Variants in CPLANE1 observed in about 807,000 individuals in gnomAD.
The protein encoded by CPLANE1 is ciliogenesis and planar polarity effector 1.
A neutral mutation model predicts 362.5 loss-of-function variants in CPLANE1; 263 were observed. That is an observed-to-expected ratio of 0.73 (90% CI 0.66 to 0.80). The LOEUF (loss-of-function observed/expected upper bound fraction) is 0.80. Among genes scored for constraint, CPLANE1 ranks in the 30% least tolerant of loss-of-function variants. The pLI is 0.00. For synonymous variants in CPLANE1, 1,212 were observed against 1,302.6 expected, an observed-to-expected ratio of 0.93 and a Z score of 1.50; for missense variants, 3,461 against 3,793.4, an observed-to-expected ratio of 0.91 and a Z score of 2.30.
intron 2 of CPLANE1, chr5:37,246,586 A>G (rs570861436): frequency 2.0e-5 from 3 of 152,242 alleles, no homozygotes; most frequent in African/African-American, 7.2e-5. Context: ...CTCATTTTTT[A>G]TTACCTAGAA....
rs1411613289 is a variant in CPLANE1, at chr5:37,140,800, T to C, written c.8633-1430A>G. On this transcript the variant is annotated intron_variant, in intron 44 of 52. Transcript: ENST00000651892. Reference sequence around the variant, plus strand: ...CAGGATCACTAACCCACGGCCACAGTACCTGTTTATTACCAAGTAAACGTT... The same window carrying C: ...CAGGATCACTAACCCACGGCCACAGCACCTGTTTATTACCAAGTAAACGTT... The C allele has an allele frequency of 1.6e-5, 16 of 985,278 alleles. No individual in the cohort carries two copies. The Admixed American group carries it at 9.2e-4, about 57-fold the overall frequency. 61.0% of individuals were successfully genotyped at this position (985,278 alleles called of 1,614,324 possible).
At chr5:37,244,719 C>A in intron 4 of CPLANE1, 112 bp from the exon 5 acceptor site, 1 of 729,142 alleles carries the variant, frequency 1.4e-6, no homozygotes. Context: ...TGTTACCATT[C>A]AGGATGTCAA....
intron 21 of CPLANE1, among the ~76,000 whole-genome samples, chr5:37,190,981 A>T (rs552390295): frequency 1.2e-3 from 179 of 152,320 alleles, no homozygotes; most frequent in Non-Finnish European, 2.3e-3. Flanking sequence ...ACTCTTACTT[A>T]TTAAAAAAAA....
chr5:37,209,262 G>A lies in CPLANE1; in HGVS notation c.2921-2837C>T. Reference sequence around the variant, plus strand: ...TCAGGACAGAAGCAGGGCTCTGGAGGGCAGGGATTCCCCCTCGTCTTGGCC... The same window carrying A: ...TCAGGACAGAAGCAGGGCTCTGGAGAGCAGGGATTCCCCCTCGTCTTGGCC... On this transcript the variant is annotated intron_variant, in intron 16 of 52. Coordinates refer to ENST00000651892, the MANE Select transcript of CPLANE1 (RefSeq NM_001384732.1). This position sits in a 1 kb window ranked among gnomAD's most constrained non-coding sequence, Gnocchi z 4.6. 1.4e-6 allele frequency: 1 copy of A among 696,342 alleles called. No individual in the cohort carries two copies. The highest frequency in any genetic ancestry group is 1.5e-5 in the South Asian group (1 of 65,470). 43.1% of individuals were successfully genotyped at this position (696,342 alleles called of 1,614,324 possible). A position where few individuals can be genotyped will look rare whatever the true frequency, so the allele number is the denominator to read the frequency against.
In CPLANE1 at chr5:37,169,498, T is replaced by A. The variant is rs1370715094; in HGVS notation, c.6526A>T (p.Ile2176Phe). The A allele has an allele frequency of 1.9e-6, 3 of 1,613,882 alleles. No homozygotes were observed. Among genetic ancestry groups the A allele is most frequent in the Non-Finnish European group, 2.5e-6 (3 of 1,179,984 alleles). ...LNGQPRKKGP[I>F]PSSQNLPSTS... ...GATGGTAAGTTTTGAGATGATGGAA[T>A]TGGTCCTTTTTTCCGGGGCTGGCCA... Residue 2176 changes from isoleucine (I) to phenylalanine (F), a missense_variant, in exon 34 of 53, where the codon ATT (isoleucine) becomes TTT (phenylalanine). Ile to Phe is a conservative substitution (Grantham distance 21). This residue lies in a region of CPLANE1 where 3,380 missense variants were observed against 3,666.1 expected (regional missense o/e 0.92). Coordinates refer to ENST00000651892, the MANE Select transcript of CPLANE1 (RefSeq NM_001384732.1).
intron 9 of CPLANE1, 84 bp downstream of exon 9, chr5:37,230,783 G>T: frequency 1.1e-6 from 1 of 932,456 alleles, no homozygotes; most frequent in Non-Finnish European, 1.5e-6. Context: ...TTTGAAAGAT[G>T]AAATTTTTTT....
At position 37,247,735 on chromosome 5, in the gene CPLANE1, G is replaced by C; in HGVS notation, c.-37C>G. The C allele has an allele frequency of 6.6e-7, 1 of 1,508,726 alleles. No homozygotes were observed. The highest frequency in any genetic ancestry group is 8.9e-7 in the Non-Finnish European group (1 of 1,121,412). The allele number at this position is 1,508,726 out of a possible 1,614,324, so 93.5% of individuals were successfully genotyped here. The stretch of plus-strand genomic sequence containing the variant: ...TATCAATGACCAATTAAGTAAAACA[G>C]TCCCAAGATTCTGTAAACAATAATA... On this transcript the variant is annotated 5_prime_UTR_variant, in exon 2 of 53. Coordinates refer to ENST00000651892, the MANE Select transcript of CPLANE1 (RefSeq NM_001384732.1).
chr5:37,211,692 G>A (rs371718894), intron 16 of CPLANE1: 10 of 782,758 alleles, frequency 1.3e-5, no homozygotes, highest in African/African-American at 6.8e-5. Context: ...GCCATCACCC[G>A]CTGAGTCTAG....
At chr5:37,233,518 C>G (rs558171800) in intron 8 of CPLANE1, among the ~76,000 whole-genome samples, 3 of 152,190 alleles carry the variant, frequency 2.0e-5, no homozygotes, top group Non-Finnish European at 2.9e-5. Context: ...GGAGACCAAG[C>G]TCTCCGAAGC....
chr5:37,110,406 C>T (rs1445549209), intron 51 of CPLANE1, among the ~76,000 whole-genome samples: 2 of 152,146 alleles, frequency 1.3e-5, no homozygotes, highest in Non-Finnish European at 1.5e-5. Flanking sequence ...ACCTAACAAT[C>T]TCCTTTTCAT....
At chr5:37,218,062 A>G (rs961447847) in intron 15 of CPLANE1, among the ~76,000 whole-genome samples, 1 of 152,198 alleles carries the variant, frequency 6.6e-6, no homozygotes, top group Non-Finnish European at 1.5e-5. Flanking sequence ...TTAATAAGGT[A>G]GGTGTGCAGA....
intron 46 of CPLANE1, 174 bp from the exon 47 acceptor site, chr5:37,125,583 T>C: frequency 1.7e-6 from 1 of 597,894 alleles, no homozygotes; most frequent in South Asian, 2.3e-5. Context: ...CCACTGAAAA[T>C]GGACTCAGAA....
chr5:37,198,988 T>C (rs1194466863), intron 19 of CPLANE1, 122 bp from the exon 20 acceptor site: 5 of 896,294 alleles, frequency 5.6e-6, no homozygotes, highest in Non-Finnish European at 8.3e-6. Context: ...TCCCAGCACT[T>C]TGGAAGGCTG....
At chr5:37,238,007 T>G (rs1799393457) in intron 8 of CPLANE1, among the ~76,000 whole-genome samples, 1 of 152,154 alleles carries the variant, frequency 6.6e-6, no homozygotes, top group Non-Finnish European at 1.5e-5. Flanking sequence ...AGCAAGACCC[T>G]GTCTCTACAA....
At chr5:37,185,135 C>CCT (rs759174260) in intron 24 of CPLANE1, 56 bp from the exon 25 acceptor site, 5 of 1,500,436 alleles carry the variant, frequency 3.3e-6, no homozygotes, top group African/African-American at 1.4e-5. Flanking sequence ...CAATTCAAGA[C>CCT]ATAGGAGACC....
chr5:37,195,147 T>C (rs1580627381), intron 21 of CPLANE1, among the ~76,000 whole-genome samples: 1 of 129,182 alleles, frequency 7.7e-6, no homozygotes, highest in African/African-American at 3.0e-5. Context: ...AGAGCAAGAC[T>C]CCATCTCAAA....
rs567800663 is a variant in CPLANE1, at chr5:37,148,287, C to T, written c.8374-19G>A. On this transcript the variant is annotated intron_variant, in intron 42 of 52. Transcript: ENST00000651892. ...GTCCAATCTGTAGAAAAAACACACA[C>T]AACAAAACAACAGTAATACTTTGAT... 5 of 1,489,354 alleles carry T rather than the reference C, an allele frequency of 3.4e-6. No individual in the cohort carries two copies. The highest frequency in any genetic ancestry group is 2.8e-5 in the African/African-American group (2 of 72,312). The allele number at this position is 1,489,354 out of a possible 1,614,324, so 92.3% of individuals were successfully genotyped here.
At chr5:37,095,335 C>T in the CPLANE1 span, among the ~76,000 whole-genome samples, 2 of 152,132 alleles carry the variant, frequency 1.3e-5, no homozygotes, top group African/African-American at 4.8e-5. Context: ...ACAAAAATCA[C>T]ATAATCATCT....
At chr5:37,234,859 G>A (rs1798590197) in intron 8 of CPLANE1, among the ~76,000 whole-genome samples, 3 of 152,138 alleles carry the variant, frequency 2.0e-5, no homozygotes, top group African/African-American at 4.8e-5. Flanking sequence ...TGTAGTTTGT[G>A]AGTGTATTAT....
Sources: gnomAD v4.1 joint callset for allele counts (sites outside exome capture counted in the v4.1 genomes callset) on GRCh38, gnomAD v4.1.1 for gene constraint, gnomAD v4.1.1 regional missense constraint, Gnocchi (gnomAD v3.1) non-coding constraint, MANE v1.5 for transcripts, NCBI Gene and HGNC (gene_info 2026-07-23, HGNC 2026-07-21) for gene names.